Variants in TTLL7 observed in about 807,000 individuals in gnomAD.
TTLL7 encodes the protein tubulin tyrosine ligase like 7, also known as tubulin polyglutamylase TTLL7.
In TTLL7, 53 loss-of-function variants were observed where a neutral mutation model predicts 120.2. The observed-to-expected ratio is 0.44, with a 90% confidence interval of 0.35 to 0.55. The LOEUF is 0.55. TTLL7 is among the 20% of genes least tolerant of loss of function. The pLI, the probability that TTLL7 is intolerant of heterozygous loss-of-function variation, is 0.00. For missense variants in TTLL7, 803 were observed against 1,054.7 expected (o/e 0.76, Z 3.31); for synonymous variants, 353 against 351.7 (o/e 1.00, Z -0.04).
intron 20 of TTLL7, among the ~76,000 whole-genome samples, chr1:83,875,733 T>C (rs1001487700): frequency 1.3e-5 from 2 of 151,978 alleles, no homozygotes; most frequent in Non-Finnish European, 2.9e-5. Flanking sequence ...CTTTTTCAAA[T>C]GTTTATTGGT....
chr1:83,982,661 A>T (rs1380811680), intron 1 of TTLL7, among the ~76,000 whole-genome samples: 1 of 152,210 alleles, frequency 6.6e-6, no homozygotes, highest in Admixed American at 6.5e-5. Context: ...AGATAACACA[A>T]AAATGGAAAA....
intron 1 of TTLL7, among the ~76,000 whole-genome samples, chr1:83,964,589 A>T (rs1650287495): frequency 6.6e-6 from 1 of 152,136 alleles, no homozygotes; most frequent in South Asian, 2.1e-4. Context: ...GCAAGAAAAA[A>T]AGTATGCCTC....
rs543981322 is a variant in TTLL7, at chr1:83,921,023, C to T, written c.1364+64G>A. The T allele has an allele frequency of 7.4e-6, 11 of 1,486,562 alleles. No homozygotes were observed. The South Asian group carries it at 1.2e-4, about 17-fold the overall frequency. The allele number at this position is 1,486,562 out of a possible 1,614,324, so 92.1% of individuals were successfully genotyped here. On this transcript the variant is annotated intron_variant, in intron 12 of 20. Coordinates refer to ENST00000260505, the MANE Select transcript of TTLL7 (RefSeq NM_024686.6). ...TTAAAATAAGCACACAAGATTAAAA[C>T]ATGAAGAATCATTGCTTTGATACTT... is the stretch of plus-strand genomic sequence containing the variant.
At chr1:83,969,834 A>G (rs752796459) in intron 1 of TTLL7, among the ~76,000 whole-genome samples, 6 of 152,048 alleles carry the variant, frequency 3.9e-5, no homozygotes, top group Non-Finnish European at 7.4e-5. Flanking sequence ...TTTCACTGGT[A>G]TGGGAAGATG....
At chr1:83,915,178 A>C (rs182334776) in intron 14 of TTLL7, among the ~76,000 whole-genome samples, 1 of 152,142 alleles carries the variant, frequency 6.6e-6, no homozygotes, top group African/African-American at 2.4e-5. Context: ...TTTCAGAAGC[A>C]TGGAAAAGCA....
In TTLL7 at chr1:83,999,124, G is replaced by T. The variant is rs1653764613; in HGVS notation, c.-370C>A. On this transcript the variant is annotated 5_prime_UTR_variant, in exon 1 of 21. Coordinates refer to ENST00000260505, the MANE Select transcript of TTLL7 (RefSeq NM_024686.6). ...GGGACTCCGGTGCTCGACGCGGAGTGCCTGGAACAGCTGTCGCTGCCCAAG... is the reference window on the plus strand; with the variant it reads ...GGGACTCCGGTGCTCGACGCGGAGTTCCTGGAACAGCTGTCGCTGCCCAAG... The T allele has an allele frequency of 4.6e-6, 2 of 430,368 alleles. No homozygotes were observed. Among genetic ancestry groups the T allele is most frequent in the Non-Finnish European group, 9.2e-6 (2 of 217,412 alleles). 26.7% of individuals were successfully genotyped at this position (430,368 alleles called of 1,614,324 possible).
At chr1:83,967,382 T>A (rs1650564709) in intron 1 of TTLL7, among the ~76,000 whole-genome samples, 1 of 152,100 alleles carries the variant, frequency 6.6e-6, no homozygotes, top group African/African-American at 2.4e-5. Flanking sequence ...CATCTCCAAC[T>A]TCTGGTTCAA....
At chr1:83,911,743 T>C (rs1176269750) in intron 14 of TTLL7, among the ~76,000 whole-genome samples, 1 of 119,522 alleles carries the variant, frequency 8.4e-6, no homozygotes, top group Admixed American at 9.0e-5. Flanking sequence ...CTCAGAGATC[T>C]ACCTTTGTCT....
intron 7 of TTLL7, among the ~76,000 whole-genome samples, chr1:83,940,327 T>G (rs1236198742): frequency 6.6e-6 from 1 of 152,330 alleles, no homozygotes; most frequent in Admixed American, 6.5e-5. Flanking sequence ...CTCTTACCCA[T>G]GCCAATTATT....
At chr1:83,919,060 G>C (rs1207244683) in intron 13 of TTLL7, among the ~76,000 whole-genome samples, 1 of 152,020 alleles carries the variant, frequency 6.6e-6, no homozygotes, top group Non-Finnish European at 1.5e-5. Context: ...CCAGACATGT[G>C]AGTGAAGCTA....
rs1658476502 is a variant in TTLL7 at position 83,919,614 on chromosome 1, A to C, written c.1500+85T>G. Reference sequence around the variant, plus strand: ...CATATCTTAAAAGTAAAATGTTTTTATATGTCGGACCAAGGTGGCTTGTCT... The same window carrying C: ...CATATCTTAAAAGTAAAATGTTTTTCTATGTCGGACCAAGGTGGCTTGTCT... On this transcript the variant is annotated intron_variant, in intron 13 of 20. Coordinates refer to ENST00000260505, the MANE Select transcript of TTLL7 (RefSeq NM_024686.6). 5.6e-6 allele frequency: 7 copies of C among 1,240,234 alleles called. No homozygotes were observed. In the South Asian group the frequency reaches 1.4e-4, roughly 24 times the overall value. The allele number at this position is 1,240,234 out of a possible 1,614,324, so 76.8% of individuals were successfully genotyped here. A position where few individuals can be genotyped will look rare whatever the true frequency, so the allele number is the denominator to read the frequency against.
At position 83,970,518 on chromosome 1, in the gene TTLL7, T is replaced by C. The variant is rs1439511764; in HGVS notation, c.-176-18131A>G. Among the ~76,000 whole-genome samples the C allele has an allele frequency of 2.6e-5, 4 of 152,190 alleles. No homozygotes were observed. The South Asian group carries it at 8.3e-4, about 32-fold the overall frequency. On this transcript the variant is annotated intron_variant, in intron 1 of 20. Coordinates refer to ENST00000260505, the MANE Select transcript of TTLL7 (RefSeq NM_024686.6). ...TTTTTCCTAATCAGTGTGGAAGCAG[T>C]TGGTTTTTCAAGTTCTGATTTCAAT...
chr1:83,895,488 C>A (rs1656129659), intron 18 of TTLL7, among the ~76,000 whole-genome samples: 2 of 152,052 alleles, frequency 1.3e-5, no homozygotes, highest in African/African-American at 2.4e-5. Context: ...CATAATCATA[C>A]ATATTATTAA....
At chr1:83,927,101 G>C (rs192640992) in intron 10 of TTLL7, among the ~76,000 whole-genome samples, 138 of 152,246 alleles carry the variant, frequency 9.1e-4, no homozygotes, top group African/African-American at 3.3e-3. Context: ...TGTTTTCACA[G>C]CAGTTGTGAT....
intron 17 of TTLL7, among the ~76,000 whole-genome samples, chr1:83,905,387 GTTGT>G (rs569096013): frequency 5.0e-4 from 75 of 151,374 alleles, no homozygotes; most frequent in Non-Finnish European, 8.6e-4. Flanking sequence ...CTCTTTTATT[GTTGT>G]TTGTTTGCTT....
At chr1:83,892,791 C>CGCATATGTGAACATATATATGAAA in intron 18 of TTLL7, among the ~76,000 whole-genome samples, 1 of 151,410 alleles carries the variant, frequency 6.6e-6, no homozygotes, top group African/African-American at 2.4e-5. Flanking sequence ...TATATATGAA[C>CGCATATGTGAACATATATATGAAA]GCATATGTGA....
chr1:83,929,361 C>T (rs1571218705), intron 9 of TTLL7, 131 bp from the exon 10 acceptor site: 1 of 597,616 alleles, frequency 1.7e-6, no homozygotes, highest in East Asian at 3.1e-5. Context: ...GGCAGATGGC[C>T]CAGTTGTTAT....
Position 83,937,950 on chromosome 1 carries a change from C to G in TTLL7, c.790G>C (p.Glu264Gln), listed in dbSNP as rs745821597. 18 of 1,613,952 alleles carry G rather than the reference C, an allele frequency of 1.1e-5. No individual in the cohort carries two copies. The highest frequency in any genetic ancestry group is 1.4e-5 in the Non-Finnish European group (17 of 1,179,982). ...NKHNEHFERDETENKGSKRSI... is the reference protein window; with the variant it reads ...NKHNEHFERDQTENKGSKRSI... ...CGTTTGCTGCCTTTGTTCTCAGTTT[C>G]ATCCCGTTCAAAATGCTCATTATGC... Residue 264 changes from glutamate to glutamine, a missense_variant, in exon 8 of 21, where the codon GAA becomes CAA. By Grantham distance (29) the Glu-to-Gln change is conservative. This residue lies in a region of TTLL7 where 324 missense variants were observed against 507.7 expected (regional missense o/e 0.64). Coordinates refer to ENST00000260505, the MANE Select transcript of TTLL7 (RefSeq NM_024686.6).
rs1653052572 is a variant in TTLL7 at position 83,868,243 on chromosome 1, A to C, written c.*1719T>G. 6.6e-6 allele frequency: 1 copy of C among 152,198 alleles called. No homozygotes were observed. Among genetic ancestry groups the C allele is most frequent in the Non-Finnish European group, 1.5e-5 (1 of 68,036 alleles). 9.4% of individuals were successfully genotyped at this position (152,198 alleles called of 1,614,324 possible). On this transcript the variant is annotated 3_prime_UTR_variant, in exon 21 of 21. Transcript: ENST00000260505. ...CTTGAAATAACTTTCAGAATAGTAA[A>C]AGGAGGTAAAACATTCATGAATTTC...
Sources: allele counts gnomAD v4.1 joint callset (sites outside exome capture counted in the v4.1 genomes callset), GRCh38; gene constraint gnomAD v4.1.1; regional missense constraint gnomAD v4.1.1; transcripts MANE v1.5; gene names NCBI Gene and HGNC (gene_info 2026-07-23, HGNC 2026-07-21).